ARFGEF3: variants seen among roughly 807,000 people sequenced by gnomAD.
ARFGEF3 encodes the protein brefeldin A-inhibited guanine nucleotide-exchange protein 3.
In ARFGEF3, 96 loss-of-function variants were observed where a neutral mutation model predicts 221.7. That is an observed-to-expected ratio of 0.43 (90% CI 0.37 to 0.51). ARFGEF3 has a LOEUF of 0.51. Ranked by LOEUF, ARFGEF3 falls within the 20% of genes least tolerant of loss-of-function variation. ARFGEF3 has a pLI of 0.00. For synonymous variants in ARFGEF3, 1,145 were observed against 1,126.8 expected, an observed-to-expected ratio of 1.02 and a Z score of -0.32; for missense variants, 2,410 against 2,789.9, an observed-to-expected ratio of 0.86 and a Z score of 3.07.
intron 21 of ARFGEF3, among the ~76,000 whole-genome samples, chr6:138,297,551 A>G (rs17067374): frequency 0.052 from 7,940 of 152,294 alleles, 662 homozygotes; most frequent in African/African-American, 0.18. Context: ...AGTGATAACT[A>G]TTCTTAATAG....
chr6:138,294,171 A>T (rs1562382489), intron 20 of ARFGEF3, 45 bp downstream of exon 20: 9 of 1,601,038 alleles, frequency 5.6e-6, no homozygotes, highest in Non-Finnish European at 7.7e-6. Context: ...AGTTAGCAGG[A>T]AACAGCCCAG....
chr6:138,323,157 G>C (rs1480173534), intron 29 of ARFGEF3, among the ~76,000 whole-genome samples: 1 of 152,112 alleles, frequency 6.6e-6, no homozygotes, highest in East Asian at 1.9e-4. Context: ...ATTTGTAGAG[G>C]GGATCCGTTG....
intron 31 of ARFGEF3, among the ~76,000 whole-genome samples, chr6:138,325,907 G>A (rs1187742015): frequency 6.6e-6 from 1 of 152,138 alleles, no homozygotes; most frequent in African/African-American, 2.4e-5. Context: ...CACCCAGGCT[G>A]GAGTGCAGGG....
chr6:138,181,281 G>A (rs1353256871), intron 2 of ARFGEF3, among the ~76,000 whole-genome samples: 1 of 152,124 alleles, frequency 6.6e-6, no homozygotes, highest in African/African-American at 2.4e-5. Context: ...TTTAGGATGT[G>A]CACGAATTAT....
Position 138,173,205 on chromosome 6 carries a change from C to G in ARFGEF3, c.137+2492C>G, listed in dbSNP as rs1776874670. On this transcript the variant is annotated intron_variant, in intron 2 of 33. Coordinates refer to ENST00000251691, the MANE Select transcript of ARFGEF3 (RefSeq NM_020340.5). Reference sequence around the variant, plus strand: ...AACTTGCTGTCGTATTCACAAGATACATTTCAAAAGTGATATGTTTTAATT... The same window carrying G: ...AACTTGCTGTCGTATTCACAAGATAGATTTCAAAAGTGATATGTTTTAATT... Among the ~76,000 whole-genome samples, 3 of 152,022 alleles carry G rather than the reference C, an allele frequency of 2.0e-5. No individual in the cohort carries two copies. The South Asian group carries it at 6.2e-4, about 32-fold the overall frequency.
intron 9 of ARFGEF3, 131 bp from the exon 10 acceptor site, chr6:138,255,305 C>A (rs1778654563): frequency 1.6e-6 from 1 of 614,700 alleles, no homozygotes; most frequent in East Asian, 2.8e-5. Context: ...AGAAAACAGG[C>A]AAAATGTAGC....
chr6:138,289,778 T>C (rs1456452402), intron 17 of ARFGEF3, 40 bp from the exon 18 acceptor site: 1 of 1,590,568 alleles, frequency 6.3e-7, no homozygotes, highest in Admixed American at 1.8e-5. Flanking sequence ...CTGTCTCCCT[T>C]ACTCAACCTG....
At chr6:138,317,438 A>C (rs1243352028) in intron 27 of ARFGEF3, 59 bp downstream of exon 27, 1 of 1,600,440 alleles carries the variant, frequency 6.2e-7, no homozygotes, top group Non-Finnish European at 8.5e-7. Flanking sequence ...TCTTTTCAAG[A>C]GGGTATTTCT....
rs1318900928 is a variant in ARFGEF3 at position 138,343,569 on chromosome 6, CTAAGAG to C, written c.*7087_*7092del. 6.6e-6 allele frequency: 1 copy of C among 151,684 alleles called. No individual in the cohort carries two copies. Among genetic ancestry groups the C allele is most frequent in the Non-Finnish European group, 1.5e-5 (1 of 67,966 alleles). The allele number at this position is 151,684 out of a possible 1,614,324, so 9.4% of individuals were successfully genotyped here. A position where few individuals can be genotyped will look rare whatever the true frequency, so the allele number is the denominator to read the frequency against. On this transcript the variant is annotated 3_prime_UTR_variant, in exon 34 of 34. Coordinates refer to ENST00000251691, the MANE Select transcript of ARFGEF3 (RefSeq NM_020340.5). ...AAAATTAAATTTCAAAAGTCAATCT[CTAAGAG>C]TAATTTATTTTTGTTTTACCAACCA...
chr6:138,203,237 A>G lies in ARFGEF3; in HGVS notation c.138-3805A>G, dbSNP rs528941676. ...TCTAGTTTTGCTCTGATCTTATGAG[A>G]CCAAAGGAGGTTGGAAGGAACTTGG... On this transcript the variant is annotated intron_variant, in intron 2 of 33. Transcript: ENST00000251691. Among the ~76,000 whole-genome samples, 7 of 152,264 alleles carry G rather than the reference A, an allele frequency of 4.6e-5. No individual in the cohort carries two copies. In the East Asian group the frequency reaches 1.3e-3, roughly 29 times the overall value.
intron 9 of ARFGEF3, among the ~76,000 whole-genome samples, chr6:138,254,672 G>A (rs1034207641): frequency 7.9e-5 from 12 of 152,094 alleles, no homozygotes; most frequent in Non-Finnish European, 1.6e-4. Flanking sequence ...GGAGGTTGCA[G>A]TGAGCCGAGA....
In ARFGEF3 at chr6:138,209,937, T is replaced by A. The variant is rs1314820020; in HGVS notation, c.247T>A (p.Ser83Thr). ...QKLLSEERFVSMETDSDEKQL... is the reference protein window; with the variant it reads ...QKLLSEERFVTMETDSDEKQL... ...GCTTCTGTCGGAAGAGAGGTTTGTA[T>A]CCATGGAAACAGATTCTGATGAGAA... Residue 83 changes from serine (S) to threonine (T), a missense_variant, in exon 4 of 34, where the codon TCC becomes ACC. Coordinates refer to ENST00000251691, the MANE Select transcript of ARFGEF3 (RefSeq NM_020340.5). The A allele has an allele frequency of 2.5e-6, 4 of 1,613,706 alleles. No individual in the cohort carries two copies. Among genetic ancestry groups the A allele is most frequent in the East Asian group, 4.5e-5 (2 of 44,896 alleles).
intron 25 of ARFGEF3, 66 bp from the exon 26 acceptor site, chr6:138,313,729 C>A: frequency 7.4e-7 from 1 of 1,344,436 alleles, no homozygotes; most frequent in Non-Finnish European, 1.0e-6. Flanking sequence ...TTTCATTATT[C>A]TTTAAAACCC....
chr6:138,272,243 C>T (rs1014474215), intron 12 of ARFGEF3, among the ~76,000 whole-genome samples: 4 of 152,170 alleles, frequency 2.6e-5, no homozygotes, highest in Non-Finnish European at 5.9e-5. Flanking sequence ...GCAACCTCCG[C>T]CTCCTGGGTT....
chr6:138,324,245 C>T lies in ARFGEF3; in HGVS notation c.5001+91C>T, dbSNP rs1780090294. ...TTGAAGGTCTCGCATCACCAAATTG[C>T]CTTTCATTCCCTGAGGGACATACAC... On this transcript the variant is annotated intron_variant, in intron 31 of 33. Coordinates refer to ENST00000251691, the MANE Select transcript of ARFGEF3 (RefSeq NM_020340.5). The T allele has an allele frequency of 2.8e-6, 4 of 1,454,036 alleles. No individual in the cohort carries two copies. In the South Asian group the frequency reaches 5.3e-5, roughly 19 times the overall value. The allele number at this position is 1,454,036 out of a possible 1,614,324, so 90.1% of individuals were successfully genotyped here. A position where few individuals can be genotyped will look rare whatever the true frequency, so the allele number is the denominator to read the frequency against.
At chr6:138,196,911 G>A (rs906229583) in intron 2 of ARFGEF3, among the ~76,000 whole-genome samples, 11 of 151,662 alleles carry the variant, frequency 7.3e-5, no homozygotes, top group Admixed American at 2.6e-4. Context: ...TCGGCTCACC[G>A]CAACCTCCGC....
At chr6:138,333,089 A>G (rs2114697551) in intron 32 of ARFGEF3, among the ~76,000 whole-genome samples, 1 of 152,368 alleles carries the variant, frequency 6.6e-6, no homozygotes, top group African/African-American at 2.4e-5. Flanking sequence ...AATTGGCCAT[A>G]TAATGGCCAC....
intron 5 of ARFGEF3, among the ~76,000 whole-genome samples, chr6:138,236,637 G>C (rs1289863899): frequency 2.0e-5 from 3 of 152,038 alleles, no homozygotes; most frequent in Admixed American, 2.0e-4. Flanking sequence ...CGGCTAATTT[G>C]TGTATTTTTT....
intron 29 of ARFGEF3, among the ~76,000 whole-genome samples, chr6:138,321,677 C>A (rs1004274236): frequency 6.6e-6 from 1 of 152,188 alleles, no homozygotes; most frequent in Non-Finnish European, 1.5e-5. Flanking sequence ...AGTTTGGAGG[C>A]TCTTCAAACT....
Sources: gnomAD v4.1 joint callset for allele counts (sites outside exome capture counted in the v4.1 genomes callset) on GRCh38, gnomAD v4.1.1 for gene constraint, MANE v1.5 for transcripts, NCBI Gene and HGNC (gene_info 2026-07-23, HGNC 2026-07-21) for gene names.